The following SCHIP1 variants were observed in gnomAD, a reference collection of about 807,000 sequenced individuals.
SCHIP1 encodes the protein schwannomin interacting protein 1.
Under a neutral mutation model 29.7 loss-of-function variants are expected in SCHIP1, and 8 were observed. The observed-to-expected ratio is 0.27, with a 90% CI of 0.16 to 0.49. SCHIP1 has a LOEUF of 0.49. Ranked by LOEUF, SCHIP1 falls within the 20% of genes least tolerant of loss-of-function variation. The pLI, the probability that SCHIP1 is intolerant of heterozygous loss-of-function variation, is 0.99. For missense variants in SCHIP1, 193 were observed against 294.6 expected, an observed-to-expected ratio of 0.66 and a Z score of 2.52; for synonymous variants, 76 against 94.9, an observed-to-expected ratio of 0.80 and a Z score of 1.16.
the SCHIP1 span, among the ~76,000 whole-genome samples, chr3:159,540,071 TC>T: frequency 6.6e-6 from 1 of 152,016 alleles, no homozygotes; most frequent in Non-Finnish European, 1.5e-5. Flanking sequence ...CCATTACCTC[TC>T]CCTTACTCCT....
chr3:159,439,997 A>G, the SCHIP1 span, among the ~76,000 whole-genome samples: 2 of 152,052 alleles, frequency 1.3e-5, no homozygotes, highest in Non-Finnish European at 1.5e-5. Flanking sequence ...CCTGAATGAC[A>G]TTGCTTAGGT....
At chr3:159,504,741 T>C in the SCHIP1 span, among the ~76,000 whole-genome samples, 3 of 152,284 alleles carry the variant, frequency 2.0e-5, no homozygotes, top group Admixed American at 6.5e-5. Flanking sequence ...TTTTTTTTAC[T>C]GAGTACCAAT....
At chr3:159,349,936 A>G in the SCHIP1 span, among the ~76,000 whole-genome samples, 1 of 151,976 alleles carries the variant, frequency 6.6e-6, no homozygotes, top group Non-Finnish European at 1.5e-5. Context: ...TAGCCACCTT[A>G]CCTCTTCAAC....
the SCHIP1 span, among the ~76,000 whole-genome samples, chr3:159,387,651 A>G: frequency 3.3e-5 from 5 of 152,222 alleles, no homozygotes; most frequent in East Asian, 1.9e-4. Context: ...TCCAGGCTGC[A>G]TGGTCTTGCT....
chr3:159,644,473 A>G, the SCHIP1 span, among the ~76,000 whole-genome samples: 9 of 145,918 alleles, frequency 6.2e-5, no homozygotes, highest in South Asian at 8.3e-4. Context: ...AGTGTGATGT[A>G]AATGCACCAA....
chr3:159,400,774 C>T, the SCHIP1 span, among the ~76,000 whole-genome samples: 1 of 152,174 alleles, frequency 6.6e-6, no homozygotes, highest in East Asian at 1.9e-4. Flanking sequence ...CATCTTTCCT[C>T]AGTTACACTC....
chr3:159,620,202 A>G, the SCHIP1 span, among the ~76,000 whole-genome samples: 1 of 152,152 alleles, frequency 6.6e-6, no homozygotes, highest in African/African-American at 2.4e-5. Context: ...TTGAAGCATA[A>G]CACTTCATGT....
the SCHIP1 span, among the ~76,000 whole-genome samples, chr3:159,464,928 T>G: frequency 1.3e-5 from 2 of 152,076 alleles, no homozygotes; most frequent in Non-Finnish European, 2.9e-5. Flanking sequence ...GAACTACAGT[T>G]TTTTATGGGT....
chr3:159,302,128 C>T, the SCHIP1 span, among the ~76,000 whole-genome samples: 5 of 152,142 alleles, frequency 3.3e-5, no homozygotes, highest in East Asian at 1.9e-4. Flanking sequence ...AATGCTGTTC[C>T]GGTGCACCAG....
the SCHIP1 span, among the ~76,000 whole-genome samples, chr3:159,325,493 G>T: frequency 6.6e-6 from 1 of 152,044 alleles, no homozygotes; most frequent in Non-Finnish European, 1.5e-5. Flanking sequence ...TGGGAAAGTT[G>T]GCTTCTGTGG....
the SCHIP1 span, among the ~76,000 whole-genome samples, chr3:159,283,436 G>A: frequency 1.3e-5 from 2 of 151,900 alleles, no homozygotes; most frequent in Non-Finnish European, 2.9e-5. Context: ...GATTACAGGC[G>A]TGAACCATCA....
the SCHIP1 span, among the ~76,000 whole-genome samples, chr3:159,602,492 C>T: frequency 0.21 from 31,176 of 151,956 alleles, 8,708 homozygotes; most frequent in African/African-American, 0.63. Flanking sequence ...AAGTGGATCA[C>T]GAGGTCAGGA....
At chr3:159,722,699 G>T in the SCHIP1 span, among the ~76,000 whole-genome samples, 4 of 152,110 alleles carry the variant, frequency 2.6e-5, no homozygotes, top group Non-Finnish European at 5.9e-5. Context: ...TTCACATATT[G>T]TCTCGTTAAA....
chr3:159,644,953 A>C, the SCHIP1 span, among the ~76,000 whole-genome samples: 1 of 152,220 alleles, frequency 6.6e-6, no homozygotes, highest in Admixed American at 6.5e-5. Flanking sequence ...AGAATATTTA[A>C]CTAAATATTG....
chr3:159,583,805 A>G, the SCHIP1 span, among the ~76,000 whole-genome samples: 1 of 152,140 alleles, frequency 6.6e-6, no homozygotes, highest in African/African-American at 2.4e-5. Context: ...AGTTTTGTGC[A>G]TGTTTTTATT....
the SCHIP1 span, among the ~76,000 whole-genome samples, chr3:159,766,962 A>T: frequency 1.3e-5 from 2 of 152,178 alleles, no homozygotes; most frequent in African/African-American, 2.4e-5. Flanking sequence ...CCTAGTGAAC[A>T]GTTTGCATAT....
At chr3:159,704,145 T>C in the SCHIP1 span, among the ~76,000 whole-genome samples, 4 of 152,190 alleles carry the variant, frequency 2.6e-5, no homozygotes, top group Middle Eastern at 3.4e-3. Context: ...CATACTAAAA[T>C]TGCACTAGGC....
the SCHIP1 span, among the ~76,000 whole-genome samples, chr3:159,800,636 A>G: frequency 2.1e-4 from 32 of 152,268 alleles, no homozygotes; most frequent in South Asian, 5.8e-3. Flanking sequence ...TGGCCCGTGA[A>G]GGTCCTAGTG....
chr3:159,776,332 C>CTTTTTT, the SCHIP1 span, among the ~76,000 whole-genome samples: 17 of 135,438 alleles, frequency 1.3e-4, no homozygotes, highest in African/African-American at 4.6e-4. Flanking sequence ...AGTGTTCTGT[C>CTTTTTT]TTTTTTTTTT....
Sources: allele counts gnomAD v4.1 joint callset (sites outside exome capture counted in the v4.1 genomes callset), GRCh38; gene constraint gnomAD v4.1.1; transcripts MANE v1.5; gene names NCBI Gene and HGNC (gene_info 2026-07-23, HGNC 2026-07-21).